The following WDFY4 variants were observed in gnomAD, a reference collection of about 807,000 sequenced individuals.
WDFY4 encodes the protein WDFY family member 4, also known as WD repeat- and FYVE domain-containing protein 4.
WDFY4 carries 169 observed loss-of-function variants against 351.9 expected under a neutral mutation model. The observed-to-expected ratio is 0.48, with a 90% confidence interval of 0.42 to 0.55. The LOEUF is 0.55. Ranked by LOEUF, WDFY4 falls within the 20% of genes least tolerant of loss-of-function variation. The pLI is 0.00. For synonymous variants in WDFY4, 1,622 were observed against 1,574.6 expected, an observed-to-expected ratio of 1.03 and a Z score of -0.71; for missense variants, 3,803 against 3,935.6, an observed-to-expected ratio of 0.97 and a Z score of 0.90.
intron 1 of WDFY4, among the ~76,000 whole-genome samples, chr10:48,695,511 T>C (rs1030669871): frequency 6.6e-6 from 1 of 152,262 alleles, no homozygotes; most frequent in African/African-American, 2.4e-5. Context: ...ACTTGTTTTC[T>C]GAGTCTCGCT....
intron 2 of WDFY4, among the ~76,000 whole-genome samples, chr10:48,717,889 G>A (rs77097022): frequency 0.012 from 1,784 of 152,302 alleles, 36 homozygotes; most frequent in African/African-American, 0.041. Flanking sequence ...ACATGTGCCA[G>A]CATTTCTTTA....
rs66514829 is a variant in WDFY4, at chr10:48,795,534, TAC to T, written c.4258-756_4258-755del. ...ATATATATATATATACATATATATA[TAC>T]ACACACATGAATAGTCTGGAAAGAT... is the stretch of plus-strand genomic sequence containing the variant. On this transcript the variant is annotated intron_variant, in intron 23 of 61. Transcript: ENST00000325239. 1.9e-3 allele frequency among the ~76,000 whole-genome samples: 126 copies of T among 67,816 alleles called. 1 individual carries two copies. Among genetic ancestry groups the T allele is most frequent in the African/African-American group, 8.1e-3 (101 of 12,494 alleles). 44.5% of individuals were successfully genotyped at this position (67,816 alleles called of 152,430 possible).
intron 1 of WDFY4, among the ~76,000 whole-genome samples, chr10:48,696,993 T>G (rs1356944393): frequency 6.6e-6 from 1 of 152,242 alleles, no homozygotes; most frequent in Non-Finnish European, 1.5e-5. Flanking sequence ...ATCTATGTGA[T>G]GCTGCTCTGG....
chr10:48,942,900 C>G (rs941524811), intron 48 of WDFY4, among the ~76,000 whole-genome samples: 12 of 152,212 alleles, frequency 7.9e-5, no homozygotes, highest in Non-Finnish European at 1.5e-5. Flanking sequence ...CCAGAGGAAG[C>G]CAGACCATCA....
At chr10:48,704,812 G>A (rs745647140) in intron 1 of WDFY4, among the ~76,000 whole-genome samples, 4 of 152,228 alleles carry the variant, frequency 2.6e-5, no homozygotes, top group Non-Finnish European at 5.9e-5. Flanking sequence ...TGTGGACGAA[G>A]GCTGCTAGCT....
chr10:48,773,880 A>T (rs567235783), intron 13 of WDFY4, among the ~76,000 whole-genome samples: 47 of 152,300 alleles, frequency 3.1e-4, no homozygotes, highest in African/African-American at 1.1e-3. Flanking sequence ...TCCCAGGCAG[A>T]TTCCACCTTT....
intron 57 of WDFY4, among the ~76,000 whole-genome samples, chr10:48,973,917 A>G (rs574174525): frequency 4.6e-5 from 7 of 152,286 alleles, no homozygotes; most frequent in Non-Finnish European, 8.8e-5. Context: ...CAGACTCGAA[A>G]AGCCCCATCT....
chr10:48,874,621 C>T (rs1589793178), intron 41 of WDFY4, among the ~76,000 whole-genome samples: 2 of 151,938 alleles, frequency 1.3e-5, no homozygotes, highest in South Asian at 4.2e-4. Flanking sequence ...AGTATTTTCC[C>T]TCACTACATT....
At chr10:48,738,546 G>A (rs907459827) in intron 11 of WDFY4, among the ~76,000 whole-genome samples, 11 of 152,206 alleles carry the variant, frequency 7.2e-5, no homozygotes, top group African/African-American at 2.2e-4. Flanking sequence ...GGCTAGGGCT[G>A]TCACACTGCT....
intron 39 of WDFY4, among the ~76,000 whole-genome samples, chr10:48,844,803 A>G (rs1171341363): frequency 1.3e-5 from 2 of 152,206 alleles, no homozygotes; most frequent in African/African-American, 4.8e-5. Context: ...AGCTCAGATG[A>G]CAGTGAGTAA....
In WDFY4 at chr10:48,946,948, C is replaced by T. The variant is rs778984724; in HGVS notation, c.7956C>T (p.Thr2652=). The T allele has an allele frequency of 3.2e-6, 5 of 1,551,302 alleles. No homozygotes were observed. In the South Asian group the frequency reaches 5.9e-5, roughly 18 times the overall value. Residue 2652 remains threonine, a synonymous_variant, in exon 51 of 62, where the codon ACC becomes ACT. Transcript: ENST00000325239. The stretch of plus-strand genomic sequence containing the variant: ...ACCTGGTCCGGATGCCACCCTTCAC[C>T]CAGGCCTTCTGCGCTCTGCAGGTGA... ...ASYLVRMPPF[T]QAFCALQGGS...
chr10:48,934,415 G>A, intron 47 of WDFY4, among the ~76,000 whole-genome samples: 1 of 152,186 alleles, frequency 6.6e-6, no homozygotes, highest in East Asian at 1.9e-4. Context: ...GGGGGATACA[G>A]CAATTGAGGC....
intron 23 of WDFY4, among the ~76,000 whole-genome samples, chr10:48,791,662 G>A (rs1038924674): frequency 3.9e-5 from 6 of 152,252 alleles, no homozygotes; most frequent in African/African-American, 1.4e-4. Context: ...CTTCTCACAT[G>A]TCTGGGAGGC....
intron 1 of WDFY4, among the ~76,000 whole-genome samples, chr10:48,694,231 G>A (rs2063271520): frequency 6.6e-6 from 1 of 152,088 alleles, no homozygotes. Flanking sequence ...ATCAGATGGG[G>A]GCTGCTCAGA....
intron 41 of WDFY4, among the ~76,000 whole-genome samples, chr10:48,874,281 A>G (rs2069907119): frequency 6.6e-6 from 1 of 152,104 alleles, no homozygotes; most frequent in African/African-American, 2.4e-5. Flanking sequence ...TGTGTCGCAA[A>G]CTCTTATTTT....
At chr10:48,896,530 A>T (rs1315871096) in intron 44 of WDFY4, among the ~76,000 whole-genome samples, 1 of 152,118 alleles carries the variant, frequency 6.6e-6, no homozygotes, top group Non-Finnish European at 1.5e-5. Context: ...CTCTGAAGAG[A>T]CCTCATCCTG....
At position 48,817,418 on chromosome 10, in the gene WDFY4, T is replaced by C. The variant is rs1326729070; in HGVS notation, c.5505+9T>C. 11 of 1,547,396 alleles carry C rather than the reference T, an allele frequency of 7.1e-6. No individual in the cohort carries two copies. The highest frequency in any genetic ancestry group is 8.7e-6 in the Non-Finnish European group (10 of 1,144,166). ...CCCTGGGAGCCCAAAAGGTAGGACA[T>C]GCTGCTGTCCCACCCAGAGAGAGCA... On this transcript the variant is annotated intron_variant, in intron 32 of 61. Transcript: ENST00000325239.
chr10:48,709,986 A>G lies in WDFY4; in HGVS notation c.234+20A>G, dbSNP rs769132961. On this transcript the variant is annotated intron_variant, in intron 2 of 61. Coordinates refer to ENST00000325239, the MANE Select transcript of WDFY4 (RefSeq NM_001394531.1). ...CTAAAGGTTAGTGTTCTTATTTTTGAAACTGTAAGGTGATAGGCGCTCTGG... is the reference window on the plus strand; with the variant it reads ...CTAAAGGTTAGTGTTCTTATTTTTGGAACTGTAAGGTGATAGGCGCTCTGG... 9.7e-6 allele frequency: 15 copies of G among 1,539,092 alleles called. No homozygotes were observed. Among genetic ancestry groups the G allele is most frequent in the Non-Finnish European group, 1.3e-5 (15 of 1,139,258 alleles).
intron 8 of WDFY4, among the ~76,000 whole-genome samples, chr10:48,730,484 G>C (rs1394142808): frequency 6.6e-6 from 1 of 152,164 alleles, no homozygotes; most frequent in Admixed American, 6.5e-5. Flanking sequence ...GTGTCTCCTG[G>C]GGGAGAGAGA....
Sources: gnomAD v4.1 joint callset for allele counts (sites outside exome capture counted in the v4.1 genomes callset) on GRCh38, gnomAD v4.1.1 for gene constraint, MANE v1.5 for transcripts, NCBI Gene and HGNC (gene_info 2026-07-23, HGNC 2026-07-21) for gene names.